B3GALT1: variants seen among roughly 807,000 people sequenced by gnomAD.
B3GALT1 encodes the protein UDP-Gal:betaGlcNAc beta 1,3-galactosyltransferase, polypeptide 1.
Under a neutral mutation model 23.2 loss-of-function variants are expected in B3GALT1, and 10 were observed. That is an observed-to-expected ratio of 0.43 (90% CI 0.27 to 0.73). The LOEUF is 0.73. B3GALT1 is among the 30% of genes least tolerant of loss of function. The pLI is 0.21. For missense variants in B3GALT1, 299 were observed against 405.4 expected (o/e 0.74, Z 2.25); for synonymous variants, 156 against 141.5 (o/e 1.10, Z -0.73).
intron 3 of B3GALT1, among the ~76,000 whole-genome samples, chr2:167,668,924 T>C (rs1172343191): frequency 6.6e-6 from 1 of 152,186 alleles, no homozygotes; most frequent in Non-Finnish European, 1.5e-5. Context: ...TCGCTCACGC[T>C]GGGAGCTATA....
At chr2:167,738,101 T>TA (rs58337572) in intron 3 of B3GALT1, among the ~76,000 whole-genome samples, 21,730 of 152,144 alleles carry the variant, frequency 0.14, 1,786 homozygotes, top group South Asian at 0.21. Flanking sequence ...GAAAAGAACT[T>TA]ACAATGACAG....
At chr2:167,380,933 C>A (rs1697839809) in intron 1 of B3GALT1, among the ~76,000 whole-genome samples, 1 of 152,164 alleles carries the variant, frequency 6.6e-6, no homozygotes, top group African/African-American at 2.4e-5. Context: ...TTCCCATTTT[C>A]CTTCTTGAAT....
intron 3 of B3GALT1, among the ~76,000 whole-genome samples, chr2:167,684,854 T>A (rs1426399499): frequency 6.6e-6 from 1 of 152,188 alleles, no homozygotes; most frequent in African/African-American, 2.4e-5. Flanking sequence ...TGTTGAAGGA[T>A]CAGCTAACAG....
intron 3 of B3GALT1, among the ~76,000 whole-genome samples, chr2:167,752,593 C>A (rs1280858668): frequency 6.8e-6 from 1 of 147,836 alleles, no homozygotes; most frequent in Non-Finnish European, 1.5e-5. Context: ...CCTCTCCCCC[C>A]ACACCCCCCT....
chr2:167,441,353 G>A (rs894923056), intron 1 of B3GALT1, among the ~76,000 whole-genome samples: 4 of 152,144 alleles, frequency 2.6e-5, no homozygotes, highest in African/African-American at 9.7e-5. Context: ...AGTTAAACAG[G>A]TATTTTTTTG....
chr2:167,576,532 GTT>G (rs1310083012), intron 2 of B3GALT1, among the ~76,000 whole-genome samples: 1 of 110,974 alleles, frequency 9.0e-6, no homozygotes. Context: ...TTTTTTTTTT[GTT>G]TTTTTTTTTT....
intron 2 of B3GALT1, among the ~76,000 whole-genome samples, chr2:167,520,643 G>C (rs1700174075): frequency 6.6e-6 from 1 of 152,146 alleles, no homozygotes; most frequent in African/African-American, 2.4e-5. Context: ...CTTTTGCTTT[G>C]CCTGGATGAC....
chr2:167,698,027 T>A (rs559083573), intron 3 of B3GALT1, among the ~76,000 whole-genome samples: 35 of 152,354 alleles, frequency 2.3e-4, no homozygotes, highest in African/African-American at 7.9e-4. Flanking sequence ...CTGAGTATTA[T>A]CATGATTGCA....
chr2:167,332,576 A>G (rs1339908973), intron 1 of B3GALT1, among the ~76,000 whole-genome samples: 1 of 152,196 alleles, frequency 6.6e-6, no homozygotes, highest in Non-Finnish European at 1.5e-5. Flanking sequence ...GAAGTTAGGA[A>G]AGGTAGGTGC....
intron 4 of B3GALT1, among the ~76,000 whole-genome samples, chr2:167,846,276 C>T (rs1008114643): frequency 2.0e-5 from 3 of 152,052 alleles, no homozygotes; most frequent in African/African-American, 7.2e-5. Context: ...GCAGAAAGAT[C>T]GTCACCTAGG....
intron 3 of B3GALT1, among the ~76,000 whole-genome samples, chr2:167,790,006 T>G (rs887382351): frequency 3.3e-5 from 5 of 152,242 alleles, no homozygotes; most frequent in African/African-American, 1.2e-4. Flanking sequence ...TGGGGGTTAG[T>G]AATAACTAAA....
chr2:167,295,415 T>C (rs545396650), intron 1 of B3GALT1, among the ~76,000 whole-genome samples: 18 of 152,334 alleles, frequency 1.2e-4, no homozygotes, highest in African/African-American at 3.4e-4. Context: ...TTAAGGTTAC[T>C]AAAACAGGCT....
chr2:167,294,096 G>T (rs929721421), intron 1 of B3GALT1, among the ~76,000 whole-genome samples: 2 of 152,206 alleles, frequency 1.3e-5, no homozygotes, highest in African/African-American at 4.8e-5. Context: ...TGGTGGCGGC[G>T]TAGGGCGCAG....
Position 167,870,085 on chromosome 2 carries a change from T to G in B3GALT1, c.*65T>G. 6.9e-7 allele frequency: 1 copy of G among 1,457,214 alleles called. No individual in the cohort carries two copies. Among genetic ancestry groups the G allele is most frequent in the Non-Finnish European group, 9.2e-7 (1 of 1,089,016 alleles). 90.3% of individuals were successfully genotyped at this position (1,457,214 alleles called of 1,614,324 possible). On this transcript the variant is annotated 3_prime_UTR_variant, in exon 5 of 5. Transcript: ENST00000392690. ...AGAAATGGGACCTAAGGTGTTGGTA[T>G]TTTCCAGGTGTCGGGGGAAATGAAC...
chr2:167,435,957 ACACACACACACACACACACACACACG>A (rs1308903616), intron 1 of B3GALT1, among the ~76,000 whole-genome samples: 8 of 76,206 alleles, frequency 1.0e-4, no homozygotes, highest in African/African-American at 8.7e-4. Flanking sequence ...ACACACAAAC[ACACACACACACACACACACACACACG>A]CACACACACA....
chr2:167,702,299 C>T (rs144321594), intron 3 of B3GALT1, among the ~76,000 whole-genome samples: 16 of 152,282 alleles, frequency 1.1e-4, no homozygotes, highest in African/African-American at 3.6e-4. Flanking sequence ...AGAGTCATTC[C>T]TATACCTGCC....
intron 2 of B3GALT1, among the ~76,000 whole-genome samples, chr2:167,533,339 GTT>G (rs34623419): frequency 2.6e-5 from 4 of 151,234 alleles, no homozygotes; most frequent in Admixed American, 1.3e-4. Context: ...TTTTCTGAGA[GTT>G]TTTTTTTAAT....
chr2:167,736,798 G>A (rs1687499197), intron 3 of B3GALT1, among the ~76,000 whole-genome samples: 1 of 152,126 alleles, frequency 6.6e-6, no homozygotes, highest in South Asian at 2.1e-4. Flanking sequence ...GCCGGGTGTG[G>A]TGGTGCATGC....
intron 3 of B3GALT1, among the ~76,000 whole-genome samples, chr2:167,759,248 C>A (rs1687864392): frequency 6.6e-6 from 1 of 152,152 alleles, no homozygotes; most frequent in African/African-American, 2.4e-5. Flanking sequence ...GGCCACTGAA[C>A]ACCACTTCAA....
Sources: allele counts gnomAD v4.1 joint callset (sites outside exome capture counted in the v4.1 genomes callset), GRCh38; gene constraint gnomAD v4.1.1; transcripts MANE v1.5; gene names NCBI Gene and HGNC (gene_info 2026-07-23, HGNC 2026-07-21).